The following TIMP2 variants were observed in gnomAD, a reference collection of about 807,000 sequenced individuals.
TIMP2 encodes the protein metalloproteinase inhibitor 2.
Under a neutral mutation model 24.3 loss-of-function variants are expected in TIMP2, and 5 were observed. The ratio of observed to expected loss-of-function variants is 0.21; its 90% CI spans 0.11 to 0.43. TIMP2 has a LOEUF of 0.43. Among genes scored for constraint, TIMP2 ranks in the 20% least tolerant of loss-of-function variants. TIMP2 has a pLI of 1.00. For synonymous variants in TIMP2, 130 were observed against 123.2 expected (o/e 1.06, Z -0.37); for missense variants, 221 against 297.5 (o/e 0.74, Z 1.89).
intron 1 of TIMP2, chr17:78,890,552 C>G: frequency 7.1e-7 from 1 of 1,411,804 alleles, no homozygotes; most frequent in Non-Finnish European, 9.5e-7. Flanking sequence ...GAGGCAATGA[C>G]GCAAACACAG....
Position 78,924,303 on chromosome 17 carries a change from A to G in TIMP2, c.130+656T>C, listed in dbSNP as rs1240148518. The stretch of plus-strand genomic sequence containing the variant: ...TGTGGACGTCCCGAAAAAGCGGAAC[A>G]TTCGGGGGTCCCGGTCCCTGCCCAG... On this transcript the variant is annotated intron_variant, in intron 1 of 4. Transcript: ENST00000262768. The surrounding 1 kb of genome is among the most constrained non-coding windows in gnomAD (Gnocchi z 5.3). Among the ~76,000 whole-genome samples the G allele has an allele frequency of 1.3e-5, 2 of 152,196 alleles. No individual in the cohort carries two copies. Among genetic ancestry groups the G allele is most frequent in the Non-Finnish European group, 2.9e-5 (2 of 68,024 alleles).
intron 3 of TIMP2, among the ~76,000 whole-genome samples, chr17:78,868,401 C>G (rs1485509871): frequency 6.6e-6 from 1 of 152,118 alleles, no homozygotes; most frequent in Non-Finnish European, 1.5e-5. Flanking sequence ...CAGGCACTTG[C>G]CACCACGCCC....
intron 1 of TIMP2, chr17:78,892,402 T>C: frequency 6.5e-7 from 1 of 1,549,862 alleles, no homozygotes. Flanking sequence ...GAGTGGAGGG[T>C]TCAAGGGGCG....
Position 78,869,414 on chromosome 17 carries a change from C to CA in TIMP2, c.340+1483dup, listed in dbSNP as rs34151423. Among the ~76,000 whole-genome samples, 423 of 135,830 alleles carry CA rather than the reference C, an allele frequency of 3.1e-3. 1 individual carries two copies. Among genetic ancestry groups the CA allele is most frequent in the South Asian group, 0.014 (62 of 4,320 alleles). 89.1% of individuals were successfully genotyped at this position (135,830 alleles called of 152,430 possible). ...TGGGAAACAGAGCAAGACTTTGTCT[C>CA]AAAAAAAAAAAAAACAAACCAAAAA... On this transcript the variant is annotated intron_variant, in intron 3 of 4. Transcript: ENST00000262768.
intron 1 of TIMP2, among the ~76,000 whole-genome samples, chr17:78,884,173 C>A (rs1035668674): frequency 3.3e-5 from 5 of 152,174 alleles, no homozygotes; most frequent in African/African-American, 1.2e-4. Flanking sequence ...CCGAGGAAAC[C>A]CCTACCCATC....
chr17:78,919,562 C>T (rs1033908688), intron 1 of TIMP2, among the ~76,000 whole-genome samples: 3 of 152,142 alleles, frequency 2.0e-5, no homozygotes, highest in Non-Finnish European at 2.9e-5. Flanking sequence ...CTGCTGGGTG[C>T]GGTGGCTCAA....
intron 3 of TIMP2, among the ~76,000 whole-genome samples, chr17:78,870,493 T>C (rs2069670872): frequency 6.6e-6 from 1 of 151,936 alleles, no homozygotes; most frequent in African/African-American, 2.4e-5. Context: ...CGTATTATTT[T>C]ACCACAATAA....
intron 1 of TIMP2, among the ~76,000 whole-genome samples, chr17:78,906,807 T>G (rs2070162829): frequency 6.6e-6 from 1 of 152,200 alleles, no homozygotes; most frequent in Non-Finnish European, 1.5e-5. Context: ...GGTCTTGAAC[T>G]CCTGACCTCA....
chr17:78,859,211 C>A (rs998645976), intron 3 of TIMP2, among the ~76,000 whole-genome samples: 1 of 152,200 alleles, frequency 6.6e-6, no homozygotes, highest in Non-Finnish European at 1.5e-5. Context: ...TGGCTTCTTT[C>A]TGTACTTCCG....
chr17:78,902,470 T>A (rs563827157), intron 1 of TIMP2, among the ~76,000 whole-genome samples: 2 of 152,298 alleles, frequency 1.3e-5, no homozygotes, highest in Admixed American at 1.3e-4. Context: ...CACGTTAGAA[T>A]GAGTCCTGGC....
Position 78,891,082 on chromosome 17 carries a change from G to A in TIMP2, c.131-17163C>T, listed in dbSNP as rs1567999489. 4 of 1,550,858 alleles carry A rather than the reference G, an allele frequency of 2.6e-6. No homozygotes were observed. The highest frequency in any genetic ancestry group is 3.5e-6 in the Non-Finnish European group (4 of 1,147,056). On this transcript the variant is annotated intron_variant, in intron 1 of 4. Transcript: ENST00000262768. The surrounding 1 kb of genome is among the most constrained non-coding windows in gnomAD (Gnocchi z 4.5). ...CCTCTGCCAGCGTGCCCAGTTTGGG[G>A]GTCTCTTGTCCAGATTCAGTGCTAT...
At chr17:78,921,654 C>T (rs912841045) in intron 1 of TIMP2, among the ~76,000 whole-genome samples, 8 of 152,168 alleles carry the variant, frequency 5.3e-5, no homozygotes, top group Non-Finnish European at 8.8e-5. Context: ...GGGCCAGCAG[C>T]GCATTTGAAC....
chr17:78,901,869 TCTC>T (rs1568004675), intron 1 of TIMP2: 1 of 680,868 alleles, frequency 1.5e-6, no homozygotes, highest in East Asian at 2.7e-5. Flanking sequence ...GGAAGCACTG[TCTC>T]CAGGGCTGTC....
chr17:78,892,236 C>T (rs749136441), intron 1 of TIMP2: 4 of 1,550,980 alleles, frequency 2.6e-6, no homozygotes, highest in African/African-American at 1.4e-5. Flanking sequence ...AGAGCGAGAT[C>T]GCCTTTGCCC....
rs2069513010 is a variant in TIMP2, at chr17:78,854,935, T to TGGGGGGGGGGGGGGGGGGGGGG, written c.*731_*732insCCCCCCCCCCCCCCCCCCCCCC. On this transcript the variant is annotated 3_prime_UTR_variant, in exon 5 of 5. Coordinates refer to ENST00000262768, the MANE Select transcript of TIMP2 (RefSeq NM_003255.5). ...GAGCATGTGGGCGGGGGGGGGGGGGTGGGGGGGTGGGTGCAGACCAAAAAG... is the reference window on the plus strand; with the variant it reads ...GAGCATGTGGGCGGGGGGGGGGGGGTGGGGGGGGGGGGGGGGGGGGGGGGGGGGGTGGGTGCAGACCAAAAAG... 2 of 22,972 alleles carry TGGGGGGGGGGGGGGGGGGGGGG rather than the reference T, an allele frequency of 8.7e-5. No individual in the cohort carries two copies. Among genetic ancestry groups the TGGGGGGGGGGGGGGGGGGGGGG allele is most frequent in the African/African-American group, 1.8e-4 (1 of 5,642 alleles). 1.4% of individuals were successfully genotyped at this position (22,972 alleles called of 1,614,324 possible).
intron 3 of TIMP2, among the ~76,000 whole-genome samples, chr17:78,860,140 C>T (rs1423455935): frequency 6.6e-6 from 1 of 152,082 alleles, no homozygotes; most frequent in African/African-American, 2.4e-5. Flanking sequence ...CAAGCCACTG[C>T]ACTCCAGCCT....
intron 3 of TIMP2, among the ~76,000 whole-genome samples, chr17:78,870,152 G>A (rs1190353682): frequency 5.3e-5 from 8 of 152,046 alleles, no homozygotes; most frequent in East Asian, 1.9e-4. Flanking sequence ...GCGGTGGCTC[G>A]CGCCTGTAAT....
chr17:78,915,645 G>T (rs986105310), intron 1 of TIMP2, among the ~76,000 whole-genome samples: 1 of 151,558 alleles, frequency 6.6e-6, no homozygotes, highest in African/African-American at 2.4e-5. Flanking sequence ...TCAGCCTCCC[G>T]AGTAGCTGGG....
rs112729154 is a variant in TIMP2 at position 78,857,742 on chromosome 17, G to C, written c.341-96C>G. The C allele has an allele frequency of 2.1e-4, 318 of 1,526,342 alleles. 2 individuals are homozygous for C. In the African/African-American group the frequency reaches 3.7e-3, roughly 18 times the overall value. The allele number at this position is 1,526,342 out of a possible 1,614,324, so 94.5% of individuals were successfully genotyped here. On this transcript the variant is annotated intron_variant, in intron 3 of 4. Coordinates refer to ENST00000262768, the MANE Select transcript of TIMP2 (RefSeq NM_003255.5). ...GGCGCAGGGGCGCTGGGATTTCGTT[G>C]CAACAATCCTGTGCACTGTCTATTC...
Sources: allele counts gnomAD v4.1 joint callset (sites outside exome capture counted in the v4.1 genomes callset), GRCh38; gene constraint gnomAD v4.1.1; non-coding constraint Gnocchi (gnomAD v3.1); transcripts MANE v1.5; gene names NCBI Gene and HGNC (gene_info 2026-07-23, HGNC 2026-07-21).